The following ADCY9 variants were observed in gnomAD, a reference collection of about 807,000 sequenced individuals.
ADCY9 encodes adenylate cyclase 9.
ADCY9 carries 50 observed loss-of-function variants against 101.5 expected under a neutral mutation model. The ratio of observed to expected loss-of-function variants is 0.49; its 90% confidence interval spans 0.39 to 0.62. The LOEUF (loss-of-function observed/expected upper bound fraction) is 0.62. ADCY9 is among the 20% of genes least tolerant of loss of function. The pLI is 0.00. For missense variants in ADCY9, 1,662 were observed against 1,800.4 expected, an observed-to-expected ratio of 0.92 and a Z score of 1.39; for synonymous variants, 905 against 769.3, an observed-to-expected ratio of 1.18 and a Z score of -2.92.
chr16:4,093,022 T>A (rs578137630), intron 2 of ADCY9, among the ~76,000 whole-genome samples: 23 of 146,098 alleles, frequency 1.6e-4, no homozygotes, highest in Non-Finnish European at 3.1e-4. Context: ...GAAATTGCTA[T>A]ATTAGTAAAA....
chr16:4,082,837 C>A (rs1428250346), intron 2 of ADCY9, among the ~76,000 whole-genome samples: 1 of 152,240 alleles, frequency 6.6e-6, no homozygotes, highest in Admixed American at 6.5e-5. Flanking sequence ...GGCTTCCCTC[C>A]CCTTTCCAGT....
At chr16:3,983,156 G>A (rs2056158871) in intron 7 of ADCY9, 76 bp downstream of exon 7, 14 of 1,364,774 alleles carry the variant, frequency 1.0e-5, no homozygotes, top group African/African-American at 8.7e-5. Flanking sequence ...CAGTCCAACC[G>A]CTCAGCCATA....
intron 2 of ADCY9, among the ~76,000 whole-genome samples, chr16:4,043,831 A>C (rs2056644114): frequency 6.6e-6 from 1 of 152,198 alleles, no homozygotes; most frequent in South Asian, 2.1e-4. Flanking sequence ...CAGTCTGCCA[A>C]AATTTAACAA....
intron 9 of ADCY9, among the ~76,000 whole-genome samples, chr16:3,977,038 T>C (rs1005721915): frequency 1.8e-4 from 27 of 152,346 alleles, no homozygotes; most frequent in Admixed American, 1.6e-3. Context: ...GGCTGTGACC[T>C]GTCCCGGTTC....
intron 10 of ADCY9, among the ~76,000 whole-genome samples, chr16:3,970,945 C>T (rs561134753): frequency 1.3e-3 from 194 of 152,262 alleles, no homozygotes; most frequent in Admixed American, 3.9e-3. Flanking sequence ...GGCTGCCATC[C>T]TTGGAAAGAC....
chr16:4,081,220 G>C (rs886496862), intron 2 of ADCY9, among the ~76,000 whole-genome samples: 2 of 152,104 alleles, frequency 1.3e-5, no homozygotes, highest in Non-Finnish European at 2.9e-5. Flanking sequence ...ACACAAACTG[G>C]AACTAATCAG....
At chr16:4,001,738 GGTTTTTTTTTTTTATT>G (rs764087429) in intron 3 of ADCY9, among the ~76,000 whole-genome samples, 17,010 of 45,934 alleles carry the variant, frequency 0.37, 1,023 homozygotes, top group Non-Finnish European at 0.49. Context: ...TTGTAGAGAT[GGTTTTTTTTTTTTATT>G]GTTTTTTTTT....
In ADCY9 at chr16:4,110,376, C is replaced by CTTTTTTTTTTT. The variant is rs1170090126; in HGVS notation, c.1693+3363_1693+3373dup. On this transcript the variant is annotated intron_variant, in intron 2 of 10. Coordinates refer to ENST00000294016, the MANE Select transcript of ADCY9 (RefSeq NM_001116.4). ...AGTTTTGCAATCATACTTATACCTA[C>CTTTTTTTTTTT]TTTTTTTTTTTTTTTTTTTTTTTTT... Among the ~76,000 whole-genome samples the CTTTTTTTTTTT allele has an allele frequency of 2.7e-5, 3 of 110,742 alleles. 1 individual carries two copies. Among genetic ancestry groups the CTTTTTTTTTTT allele is most frequent in the Non-Finnish European group, 3.6e-5 (2 of 55,024 alleles). The allele number at this position is 110,742 out of a possible 152,430, so 72.7% of individuals were successfully genotyped here.
intron 2 of ADCY9, among the ~76,000 whole-genome samples, chr16:4,037,433 C>A (rs1448472488): frequency 6.6e-6 from 1 of 152,082 alleles, no homozygotes; most frequent in African/African-American, 2.4e-5. Context: ...ACTGCATATA[C>A]ATATACCACA....
chr16:4,055,108 A>G (rs892979663), intron 2 of ADCY9, among the ~76,000 whole-genome samples: 4 of 152,218 alleles, frequency 2.6e-5, no homozygotes, highest in Non-Finnish European at 5.9e-5. Flanking sequence ...ACAGAGGCAG[A>G]GGAGGTGGGA....
chr16:4,112,779 G>T (rs966750088), intron 2 of ADCY9, among the ~76,000 whole-genome samples: 1 of 152,074 alleles, frequency 6.6e-6, no homozygotes, highest in Admixed American at 6.6e-5. Flanking sequence ...CCTCAATCCT[G>T]AAGATTTTAG....
At chr16:3,991,927 C>T (rs1009271092) in intron 5 of ADCY9, among the ~76,000 whole-genome samples, 1 of 151,776 alleles carries the variant, frequency 6.6e-6, no homozygotes, top group Admixed American at 6.6e-5. Flanking sequence ...AAAACCTAGC[C>T]AGGCATGGTG....
chr16:3,970,036 C>T (rs191219127), intron 10 of ADCY9, among the ~76,000 whole-genome samples: 11 of 152,294 alleles, frequency 7.2e-5, no homozygotes, highest in African/African-American at 2.6e-4. Flanking sequence ...TTTTTTACAA[C>T]ACCGTGACTG....
At chr16:4,027,380 G>A (rs1482190490) in intron 2 of ADCY9, among the ~76,000 whole-genome samples, 1 of 152,246 alleles carries the variant, frequency 6.6e-6, no homozygotes, top group African/African-American at 2.4e-5. Context: ...CATAAAGGGT[G>A]TATTAGTCTG....
chr16:4,020,561 T>C (rs1327003129), intron 2 of ADCY9, among the ~76,000 whole-genome samples: 1 of 151,980 alleles, frequency 6.6e-6, no homozygotes, highest in Non-Finnish European at 1.5e-5. Context: ...GTGGCTCACG[T>C]CTGTAATCCC....
intron 2 of ADCY9, among the ~76,000 whole-genome samples, chr16:4,029,245 T>C (rs535301371): frequency 5.3e-5 from 8 of 151,980 alleles, no homozygotes; most frequent in Non-Finnish European, 8.8e-5. Context: ...AGTAGAGAAA[T>C]AGGACAAAAA....
At chr16:4,020,648 C>A (rs1478369681) in intron 2 of ADCY9, among the ~76,000 whole-genome samples, 6 of 151,830 alleles carry the variant, frequency 4.0e-5, no homozygotes, top group South Asian at 2.1e-4. Flanking sequence ...AAGGTGAAAA[C>A]CCCTCTCTAC....
intron 2 of ADCY9, among the ~76,000 whole-genome samples, chr16:4,044,922 C>T (rs1180254485): frequency 6.6e-6 from 1 of 152,138 alleles, no homozygotes; most frequent in Non-Finnish European, 1.5e-5. Context: ...CAACGGGCTC[C>T]CGGCTCCCGC....
intron 2 of ADCY9, among the ~76,000 whole-genome samples, chr16:4,031,657 G>A (rs1011551580): frequency 2.0e-5 from 3 of 152,088 alleles, no homozygotes; most frequent in Admixed American, 6.6e-5. Flanking sequence ...GCCGAGGCGG[G>A]TGGATTGTTT....
Sources: gnomAD v4.1 joint callset for allele counts (sites outside exome capture counted in the v4.1 genomes callset) on GRCh38, gnomAD v4.1.1 for gene constraint, MANE v1.5 for transcripts, NCBI Gene and HGNC (gene_info 2026-07-23, HGNC 2026-07-21) for gene names.